The following SCRIB variants were observed in gnomAD, a reference collection of about 807,000 sequenced individuals.
SCRIB encodes protein scribble homolog.
A neutral mutation model predicts 170.0 loss-of-function variants in SCRIB; 72 were observed. That is an observed-to-expected ratio of 0.42 (90% confidence interval 0.35 to 0.52). The LOEUF (loss-of-function observed/expected upper bound fraction) is 0.52, where lower values mean the gene tolerates loss of function less well. SCRIB is among the 20% of genes least tolerant of loss of function. The pLI, the probability that SCRIB is intolerant of heterozygous loss-of-function variation, is 0.02. For missense variants in SCRIB, 2,475 were observed against 2,338.5 expected (o/e 1.06, Z -1.20); for synonymous variants, 1,298 against 1,044.3 (o/e 1.24, Z -4.68).
Position 143,808,874 on chromosome 8 carries a change from G to A in SCRIB, c.1850C>T (p.Ser617Phe), listed in dbSNP as rs1266391113. Residue 617 changes from serine (S) to phenylalanine (F), a missense_variant, in exon 15 of 37, where the codon TCC becomes TTC. Around this residue, in one of 3 missense-constraint regions of SCRIB, gnomAD observed 1,966 missense variants for 1,742.9 expected, o/e 1.13. Coordinates refer to ENST00000356994, the MANE Select transcript of SCRIB (RefSeq NM_182706.5). Reference sequence around the variant, plus strand: ...AACGGCCTCGGGCTGGGGCAGCTTGGAGATCTTGAAGTGCTTTTTGTAGTG... The same window carrying A: ...AACGGCCTCGGGCTGGGGCAGCTTGAAGATCTTGAAGTGCTTTTTGTAGTG... Reference protein sequence around the residue: ...TPHYKKHFKISKLPQPEAVVA... With the variant: ...TPHYKKHFKIFKLPQPEAVVA... 7 of 1,609,966 alleles carry A rather than the reference G, an allele frequency of 4.3e-6. No homozygotes were observed. In the South Asian group the frequency reaches 7.7e-5, roughly 18 times the overall value.
chr8:143,799,061 G>A (rs1158403045), intron 24 of SCRIB, among the ~76,000 whole-genome samples: 1 of 152,206 alleles, frequency 6.6e-6, no homozygotes, highest in Non-Finnish European at 1.5e-5. Context: ...AAAACAGAAA[G>A]ACACCTCAGG....
chr8:143,792,198 G>A, intron 32 of SCRIB, 22 bp downstream of exon 32: 1 of 1,548,828 alleles, frequency 6.5e-7, no homozygotes, highest in East Asian at 2.3e-5. Flanking sequence ...GGGCGGGGTG[G>A]CGACCCCACA....
At chr8:143,811,393 G>A (rs749818544) in intron 9 of SCRIB, 48 bp from the exon 10 acceptor site, 7 of 1,554,066 alleles carry the variant, frequency 4.5e-6, no homozygotes, top group Non-Finnish European at 6.2e-6. Context: ...TGCTGGGGGT[G>A]GGAAGGAGAT....
Position 143,791,885 on chromosome 8 carries a change from CG to C in SCRIB, c.4685del (p.Pro1562ArgfsTer37). ...EDLGPQTSTS[P>X]GRLPLSGKKF... is the part of the protein sequence containing the mutation. ...GCCACCGGCTCCTCACCAGGCGTCC[CG>C]GGGAGGTGCTGGTCTGGGGGCCGAG... On this transcript the variant is annotated frameshift_variant, in exon 34 of 37. Coordinates refer to ENST00000356994, the MANE Select transcript of SCRIB (RefSeq NM_182706.5). LOFTEE classifies it high-confidence loss of function. 6.7e-7 allele frequency: 1 copy of C among 1,501,354 alleles called. No individual in the cohort carries two copies. 93.0% of individuals were successfully genotyped at this position (1,501,354 alleles called of 1,614,324 possible).
intron 24 of SCRIB, among the ~76,000 whole-genome samples, chr8:143,799,613 C>T (rs961581572): frequency 3.9e-5 from 6 of 152,198 alleles, no homozygotes; most frequent in Non-Finnish European, 8.8e-5. Context: ...CAGGTCGTTA[C>T]TGAATCAATC....
chr8:143,800,197 G>T (rs1435949352), intron 24 of SCRIB, among the ~76,000 whole-genome samples: 4 of 152,152 alleles, frequency 2.6e-5, no homozygotes, highest in African/African-American at 9.7e-5. Context: ...CAAGCCCCAA[G>T]CCCGCTGATG....
chr8:143,813,167 A>C, intron 6 of SCRIB, 63 bp from the exon 7 acceptor site: 1 of 1,587,748 alleles, frequency 6.3e-7, no homozygotes, highest in South Asian at 1.1e-5. Flanking sequence ...GCCGTGCTCA[A>C]GAGACTATAC....
At chr8:143,804,358 G>A (rs1554635825) in intron 21 of SCRIB, among the ~76,000 whole-genome samples, 1 of 152,268 alleles carries the variant, frequency 6.6e-6, no homozygotes, top group African/African-American at 2.4e-5. Context: ...CTGTGGCCAT[G>A]TGGCCAGCCA....
chr8:143,805,063 G>C, intron 19 of SCRIB, 49 bp from the exon 20 acceptor site: 4 of 1,583,872 alleles, frequency 2.5e-6, no homozygotes, highest in Non-Finnish European at 3.4e-6. Context: ...GCTGGAGTGC[G>C]GCTGTCAGCT....
intron 3 of SCRIB, 23 bp downstream of exon 3, chr8:143,813,795 C>T: frequency 6.2e-7 from 1 of 1,608,274 alleles, no homozygotes; most frequent in Non-Finnish European, 8.5e-7. Context: ...CCCCTACCGA[C>T]CCCACCACAG....
chr8:143,806,519 G>A, intron 17 of SCRIB, 35 bp from the exon 18 acceptor site: 1 of 1,518,162 alleles, frequency 6.6e-7, no homozygotes, highest in Non-Finnish European at 9.0e-7. Context: ...AGGGGCCAGG[G>A]AGACGGGCCC....
Position 143,792,121 on chromosome 8 carries a change from C to T in SCRIB, c.4527G>A (p.Leu1509=). 1 of 1,577,988 alleles carries T rather than the reference C, an allele frequency of 6.3e-7. No homozygotes were observed. The highest frequency in any genetic ancestry group is 8.6e-7 in the Non-Finnish European group (1 of 1,168,758). ...ALWRAARMKS[L]EQDALRAQMV... ...TCTGTGCTCGGAGAGCGTCCTGTTC[C>T]AATGACTTCATCCTGCAGAGAACAG... The change falls in exon 33 of 37, where the codon TTG becomes TTA. Residue 1509 remains leucine, a synonymous_variant. Coordinates refer to ENST00000356994, the MANE Select transcript of SCRIB (RefSeq NM_182706.5).
At chr8:143,792,191 CG>C in intron 32 of SCRIB, 28 bp downstream of exon 32, 1 of 1,554,556 alleles carries the variant, frequency 6.4e-7, no homozygotes, top group Non-Finnish European at 8.7e-7. Context: ...GGCAGCAGGG[CG>C]GGGTGGCGAC....
chr8:143,795,535 G>A lies in SCRIB; in HGVS notation c.3604-5C>T, dbSNP rs372956941. The A allele has an allele frequency of 1.2e-6, 2 of 1,608,056 alleles. No homozygotes were observed. Among genetic ancestry groups the A allele is most frequent in the Non-Finnish European group, 1.7e-6 (2 of 1,176,896 alleles). ...GGCAATGACACCTGGGGACACCTGA[G>A]AAGAGGGGTGTGGGCTAAGAAGGGG... On this transcript the variant is annotated splice_region_variant and splice_polypyrimidine_tract_variant and intron_variant, in intron 24 of 36. Transcript: ENST00000356994.
At chr8:143,814,487 C>T (rs1235248873) in intron 1 of SCRIB, among the ~76,000 whole-genome samples, 2 of 152,136 alleles carry the variant, frequency 1.3e-5, no homozygotes, top group Non-Finnish European at 2.9e-5. Context: ...ATCCTGACAA[C>T]AAGCCTGGCC....
chr8:143,804,669 C>A lies in SCRIB; in HGVS notation c.2908G>T (p.Ala970Ser). 6.4e-7 allele frequency: 1 copy of A among 1,550,902 alleles called. No homozygotes were observed. Among genetic ancestry groups the A allele is most frequent in the Non-Finnish European group, 8.7e-7 (1 of 1,146,192 alleles). The stretch of plus-strand genomic sequence containing the variant: ...GTGGCAGTGGTTATGCTGGTGGTGG[C>A]AACAGCAGCGGTGGGGGGTGAGGAA... ...PHSSPPTAAV[A>S]TTSITTATPG... The change falls in exon 21 of 37, where the codon GCC (alanine) becomes TCC (serine). Residue 970 changes from alanine (A) to serine (S), a missense_variant. Physicochemically the swap from Ala to Ser is moderately conservative, Grantham distance 99. Around this residue, in one of 3 missense-constraint regions of SCRIB, gnomAD observed 1,966 missense variants for 1,742.9 expected, o/e 1.13. Coordinates refer to ENST00000356994, the MANE Select transcript of SCRIB (RefSeq NM_182706.5).
In SCRIB at chr8:143,805,273, G is replaced by A. The variant is rs782129165; in HGVS notation, c.2509C>T (p.Arg837Ter). The A allele has an allele frequency of 1.3e-6, 2 of 1,554,590 alleles. No individual in the cohort carries two copies. The highest frequency in any genetic ancestry group is 1.7e-6 in the Non-Finnish European group (2 of 1,156,252). The change falls in exon 19 of 37, where the codon CGA becomes TGA. Residue 837 changes from arginine (R) to a stop codon, truncating the protein, a stop_gained. Transcript: ENST00000356994. LOFTEE classifies it high-confidence loss of function. ...CGCAGCCCCCCTCCCCGCCGCTCTC[G>A]GGGGCTGTAATCATCCTCGGGCCGC... ...PLRPEDDYSPRERRGGGLRLP... is the reference protein window; with the variant it reads ...PLRPEDDYSP
At chr8:143,794,993 G>A (rs782356091) in intron 27 of SCRIB, 45 bp downstream of exon 27, 184 of 1,575,590 alleles carry the variant, frequency 1.2e-4, no homozygotes, top group Non-Finnish European at 1.5e-4. Context: ...CCGATGAACA[G>A]GACAACAGGA....
At chr8:143,796,589 A>C (rs73715504) in intron 24 of SCRIB, among the ~76,000 whole-genome samples, 2,752 of 152,328 alleles carry the variant, frequency 0.018, 70 homozygotes, top group African/African-American at 0.062. Context: ...ACGATGATAC[A>C]GTCATCAACT....
Sources: allele counts gnomAD v4.1 joint callset (sites outside exome capture counted in the v4.1 genomes callset), GRCh38; gene constraint gnomAD v4.1.1; regional missense constraint gnomAD v4.1.1; transcripts MANE v1.5; gene names NCBI Gene and HGNC (gene_info 2026-07-23, HGNC 2026-07-21).